Variants in ALG9 observed in about 807,000 individuals in gnomAD.
ALG9 encodes ALG9 alpha-1,2-mannosyltransferase.
A neutral mutation model predicts 81.8 loss-of-function variants in ALG9; 55 were observed. The observed-to-expected ratio is 0.67, with a 90% confidence interval of 0.54 to 0.84. The LOEUF (loss-of-function observed/expected upper bound fraction) is 0.84. Ranked by LOEUF, ALG9 falls within the 40% of genes least tolerant of loss-of-function variation. The pLI, the probability that ALG9 is intolerant of heterozygous loss-of-function variation, is 0.00. For synonymous variants in ALG9, 278 were observed against 274.3 expected (o/e 1.01, Z -0.13); for missense variants, 629 against 745.0 (o/e 0.84, Z 1.81).
chr11:111,793,678 G>A (rs1370563662), intron 14 of ALG9, among the ~76,000 whole-genome samples: 3 of 151,342 alleles, frequency 2.0e-5, no homozygotes, highest in African/African-American at 7.3e-5. Flanking sequence ...GGAGAATGGC[G>A]TGAACCCGGG....
At chr11:111,812,655 G>A (rs1046744537) in intron 13 of ALG9, among the ~76,000 whole-genome samples, 11 of 152,136 alleles carry the variant, frequency 7.2e-5, no homozygotes, top group East Asian at 1.9e-4. Context: ...AGTGGCTTAC[G>A]CCTGTAATCC....
In ALG9 at chr11:111,789,743, C is replaced by T. The variant is rs545711985; in HGVS notation, c.1734-3223G>A. ...GCTGAGGTAGGAGAATTGCTTGAACCTGGGGGGTAGAAGTTGCAGTGAGCT... is the reference window on the plus strand; with the variant it reads ...GCTGAGGTAGGAGAATTGCTTGAACTTGGGGGGTAGAAGTTGCAGTGAGCT... On this transcript the variant is annotated intron_variant, in intron 14 of 14. Transcript: ENST00000616540. Among the ~76,000 whole-genome samples the T allele has an allele frequency of 2.0e-4, 31 of 151,358 alleles. No homozygotes were observed. The South Asian group carries it at 6.5e-3, about 32-fold the overall frequency.
chr11:111,790,845 T>C (rs1555069762), intron 14 of ALG9, among the ~76,000 whole-genome samples: 1 of 152,214 alleles, frequency 6.6e-6, no homozygotes, highest in East Asian at 1.9e-4. Context: ...AGGAAACAGA[T>C]ATTGCCAGTG....
At position 111,786,074 on chromosome 11, in the gene ALG9, T is replaced by C. The variant is rs74786079; in HGVS notation, c.*323A>G. On this transcript the variant is annotated 3_prime_UTR_variant, in exon 15 of 15. Coordinates refer to ENST00000616540, the MANE Select transcript of ALG9 (RefSeq NM_024740.2). ...CAGGATTTTCAATTCTTCCTGTAAG[T>C]TGGTTCTGCTCTTCTCCGGTCTAGT... The C allele has an allele frequency of 5.0e-4, 230 of 463,666 alleles. No individual in the cohort carries two copies. Among genetic ancestry groups the C allele is most frequent in the African/African-American group, 4.4e-3 (220 of 50,492 alleles). 28.7% of individuals were successfully genotyped at this position (463,666 alleles called of 1,614,324 possible). A position where few individuals can be genotyped will look rare whatever the true frequency, so the allele number is the denominator to read the frequency against.
downstream of ALG9, among the ~76,000 whole-genome samples, chr11:111,777,961 C>A (rs1304452644): frequency 2.6e-5 from 4 of 152,224 alleles, no homozygotes; most frequent in African/African-American, 9.6e-5. Flanking sequence ...GCAGTGGCAG[C>A]AGCTCAAGAG....
intron 4 of ALG9, among the ~76,000 whole-genome samples, chr11:111,863,143 G>A (rs1206588910): frequency 6.6e-6 from 1 of 152,032 alleles, no homozygotes; most frequent in Admixed American, 6.6e-5. Flanking sequence ...AGGCCGAGGC[G>A]GGCAGATCAC....
At chr11:111,851,095 C>T (rs1957734703) in intron 8 of ALG9, among the ~76,000 whole-genome samples, 1 of 152,220 alleles carries the variant, frequency 6.6e-6, no homozygotes, top group Non-Finnish European at 1.5e-5. Flanking sequence ...GGGTTCCTGA[C>T]TGACCCACTG....
intron 4 of ALG9, among the ~76,000 whole-genome samples, chr11:111,863,013 G>C (rs1237094951): frequency 6.6e-6 from 1 of 152,052 alleles, no homozygotes; most frequent in African/African-American, 2.4e-5. Flanking sequence ...CTTGGGTTAA[G>C]GGTCCATTTC....
chr11:111,773,524 C>T, the ALG9 span, among the ~76,000 whole-genome samples: 4 of 151,838 alleles, frequency 2.6e-5, no homozygotes, highest in Non-Finnish European at 5.9e-5. Flanking sequence ...GGATTATGGG[C>T]GTCACAAGGG....
At chr11:111,846,545 A>C (rs2136958998) in intron 8 of ALG9, among the ~76,000 whole-genome samples, 1 of 152,352 alleles carries the variant, frequency 6.6e-6, no homozygotes, top group South Asian at 2.1e-4. Flanking sequence ...TAAGCTGGTA[A>C]ATGCAATCAT....
At chr11:111,823,683 A>G (rs1277173510) in intron 13 of ALG9, among the ~76,000 whole-genome samples, 2 of 152,206 alleles carry the variant, frequency 1.3e-5, no homozygotes, top group Non-Finnish European at 2.9e-5. Flanking sequence ...AGCAATATAA[A>G]AAGTCTGACT....
intron 14 of ALG9, among the ~76,000 whole-genome samples, chr11:111,790,689 C>T (rs1425648670): frequency 1.3e-5 from 2 of 152,022 alleles, no homozygotes; most frequent in Non-Finnish European, 2.9e-5. Context: ...GATATGATTA[C>T]AGAAGAGAAA....
chr11:111,799,335 T>C (rs10789848), intron 14 of ALG9, among the ~76,000 whole-genome samples: 98,422 of 151,960 alleles, frequency 0.65, 31,972 homozygotes, highest in East Asian at 0.77. Flanking sequence ...TTAGTAGAGA[T>C]GGGGTTTCAC....
chr11:111,857,853 C>A (rs1322497159), intron 5 of ALG9, 116 bp from the exon 6 acceptor site: 1 of 1,169,602 alleles, frequency 8.5e-7, no homozygotes, highest in Non-Finnish European at 1.2e-6. Flanking sequence ...TAAACAGGTA[C>A]ATAATTGGGG....
chr11:111,815,545 G>A (rs1951355965), intron 13 of ALG9, among the ~76,000 whole-genome samples: 1 of 152,178 alleles, frequency 6.6e-6, no homozygotes, highest in Non-Finnish European at 1.5e-5. Context: ...AAGGCCTCCA[G>A]CAGAAAATGA....
chr11:111,868,372 G>A (rs1369115469), intron 3 of ALG9, among the ~76,000 whole-genome samples: 1 of 152,192 alleles, frequency 6.6e-6, no homozygotes, highest in African/African-American at 2.4e-5. Context: ...TAAACCACAA[G>A]TTTCATTAAG....
At chr11:111,828,937 C>A (rs1953852822) in intron 13 of ALG9, 1 of 152,162 alleles carries the variant, frequency 6.6e-6, no homozygotes, top group Admixed American at 6.5e-5. Context: ...AGATCTGGAT[C>A]ATGTTATATA....
At chr11:111,786,711 A>G (rs569467847) in intron 14 of ALG9, among the ~76,000 whole-genome samples, 191 bp from the exon 15 acceptor site, 1 of 152,154 alleles carries the variant, frequency 6.6e-6, no homozygotes, top group Non-Finnish European at 1.5e-5. Flanking sequence ...CTTGTCACCT[A>G]AACGAAAATT....
At chr11:111,837,108 G>C (rs1206963329) in intron 12 of ALG9, among the ~76,000 whole-genome samples, 1 of 152,176 alleles carries the variant, frequency 6.6e-6, no homozygotes, top group Admixed American at 6.5e-5. Context: ...CTTCTAGCTG[G>C]AGTTTCTAGA....
Sources: gnomAD v4.1 joint callset for allele counts (sites outside exome capture counted in the v4.1 genomes callset) on GRCh38, gnomAD v4.1.1 for gene constraint, MANE v1.5 for transcripts, NCBI Gene and HGNC (gene_info 2026-07-23, HGNC 2026-07-21) for gene names.